CNOT1: variants seen among roughly 807,000 people sequenced by gnomAD.
CNOT1 encodes the protein CCR4-NOT transcription complex subunit 1, also known as CCR4-associated factor 1.
Under a neutral mutation model 273.8 loss-of-function variants are expected in CNOT1, and 15 were observed. That is an observed-to-expected ratio of 0.05 (90% CI 0.04 to 0.08). CNOT1 has a LOEUF of 0.08. Among genes scored for constraint, CNOT1 ranks in the 10% least tolerant of loss-of-function variants. CNOT1 has a pLI of 1.00. For synonymous variants in CNOT1, 1,022 were observed against 1,005.5 expected, an observed-to-expected ratio of 1.02 and a Z score of -0.31; for missense variants, 1,644 against 2,912.2, an observed-to-expected ratio of 0.56 and a Z score of 10.02.
chr16:58,589,055 G>T, intron 2 of CNOT1, 149 bp from the exon 3 acceptor site: 1 of 1,111,642 alleles, frequency 9.0e-7, no homozygotes, highest in Non-Finnish European at 1.2e-6. Flanking sequence ...AATTATTGAT[G>T]GAAGTGCCCA....
At position 58,520,203 on chromosome 16, in the gene CNOT1, AT is replaced by A. The variant is rs1207763321; in HGVS notation, c.*754del. The A allele has an allele frequency of 6.6e-6, 1 of 150,938 alleles. No individual in the cohort carries two copies. Among genetic ancestry groups the A allele is most frequent in the African/African-American group, 2.4e-5 (1 of 40,914 alleles). The allele number at this position is 150,938 out of a possible 1,614,324, so 9.3% of individuals were successfully genotyped here. A position where few individuals can be genotyped will look rare whatever the true frequency, so the allele number is the denominator to read the frequency against. On this transcript the variant is annotated 3_prime_UTR_variant, in exon 49 of 49. Coordinates refer to ENST00000317147, the MANE Select transcript of CNOT1 (RefSeq NM_016284.5). ...AATGAGATTTGGTTCCCTTTCCTAT[AT>A]TCCCACTGTTTTTAAGTTTCAGGAG...
Position 58,547,829 on chromosome 16 carries a change from TTC to T in CNOT1, c.3523-149_3523-148del, listed in dbSNP as rs2040309541. On this transcript the variant is annotated intron_variant, in intron 25 of 48. Transcript: ENST00000317147. The surrounding 1 kb of genome is among the most constrained non-coding windows in gnomAD (Gnocchi z 4.0). Reference sequence around the variant, plus strand: ...CAAAGTAGAATTACTCTGTATATCATTCTCAATATCATTTTGCTGTGTTTATG... The same window carrying T: ...CAAAGTAGAATTACTCTGTATATCATTCAATATCATTTTGCTGTGTTTATG... 4.4e-6 allele frequency: 3 copies of T among 680,082 alleles called. No homozygotes were observed. In the East Asian group the frequency reaches 8.4e-5, roughly 19 times the overall value. The allele number at this position is 680,082 out of a possible 1,614,324, so 42.1% of individuals were successfully genotyped here.
chr16:58,520,629 A>AAGGTACC lies in CNOT1; in HGVS notation c.*322_*328dup. ...ATGGCATCAGCTGCCTCTTCATTAC[A>AAGGTACC]AGGTACCAGTTTATGTACTTGCCTT... is the stretch of plus-strand genomic sequence containing the variant. On this transcript the variant is annotated 3_prime_UTR_variant, in exon 49 of 49. Transcript: ENST00000317147. 1 of 294,872 alleles carries AAGGTACC rather than the reference A, an allele frequency of 3.4e-6. No individual in the cohort carries two copies. Among genetic ancestry groups the AAGGTACC allele is most frequent in the Non-Finnish European group, 6.5e-6 (1 of 153,972 alleles). The allele number at this position is 294,872 out of a possible 1,614,324, so 18.3% of individuals were successfully genotyped here. A position where few individuals can be genotyped will look rare whatever the true frequency, so the allele number is the denominator to read the frequency against.
chr16:58,537,814 G>C, intron 38 of CNOT1, 77 bp downstream of exon 38: 2 of 1,565,262 alleles, frequency 1.3e-6, no homozygotes, highest in Non-Finnish European at 1.7e-6. Context: ...AGTAATGTTA[G>C]TAAGTCTGCA....
rs372989007 is a variant in CNOT1, at chr16:58,540,573, A to G, written c.4801-614T>C. On this transcript the variant is annotated intron_variant, in intron 34 of 48. Transcript: ENST00000317147. ...AACTGAGGGAGACTTTAAAAATATG[A>G]CAACTGAAGAAATGTGTGATTCTAA... Among the ~76,000 whole-genome samples the G allele has an allele frequency of 5.3e-5, 8 of 152,244 alleles. No individual in the cohort carries two copies. The East Asian group carries it at 1.2e-3, about 22-fold the overall frequency.
chr16:58,583,035 A>C, intron 9 of CNOT1, 21 bp downstream of exon 9: 1 of 1,613,598 alleles, frequency 6.2e-7, no homozygotes. Context: ...TCACTTGGTA[A>C]AATAGCTGAA....
chr16:58,595,291 T>A (rs1481308577), intron 2 of CNOT1, among the ~76,000 whole-genome samples: 2 of 151,928 alleles, frequency 1.3e-5, no homozygotes, highest in Non-Finnish European at 2.9e-5. Flanking sequence ...TTTCATTCAA[T>A]AATCTACCAT....
intron 46 of CNOT1, among the ~76,000 whole-genome samples, chr16:58,524,249 C>A (rs368236646): frequency 4.5e-3 from 366 of 82,142 alleles, no homozygotes; most frequent in Middle Eastern, 0.014. Flanking sequence ...GACTCTATCG[C>A]AAAAAAAAAA....
rs2040095892 is a variant in CNOT1 at position 58,541,522 on chromosome 16, T to C, written c.4779A>G (p.Gly1593=). ...TTACCTTCATGGGCTGGGCTAAAAATCCCGTGGGCTGACTTAAGTCATTTG... is the reference window on the plus strand; with the variant it reads ...TTACCTTCATGGGCTGGGCTAAAAACCCCGTGGGCTGACTTAAGTCATTTG... ...LPTNDLSQPT[G]FLAQPMKQAW... is the part of the protein sequence containing the mutation. Residue 1593 remains glycine, a synonymous_variant, in exon 34 of 49, where the codon GGA becomes GGG. Transcript: ENST00000317147. 6.2e-7 allele frequency: 1 copy of C among 1,613,652 alleles called. No homozygotes were observed. Among genetic ancestry groups the C allele is most frequent in the African/African-American group, 1.3e-5 (1 of 74,918 alleles).
intron 12 of CNOT1, 137 bp from the exon 13 acceptor site, chr16:58,579,076 A>G: frequency 7.0e-7 from 1 of 1,433,328 alleles, no homozygotes; most frequent in East Asian, 2.5e-5. Flanking sequence ...TGAAGTCCAC[A>G]GCACTCTCTT....
At chr16:58,609,378 A>AC (rs1424135167) in intron 1 of CNOT1, among the ~76,000 whole-genome samples, 1 of 151,786 alleles carries the variant, frequency 6.6e-6, no homozygotes. Context: ...TCTCAAAAAA[A>AC]AACACAACAA....
At chr16:58,526,798 C>T (rs953235769) in intron 44 of CNOT1, among the ~76,000 whole-genome samples, 3 of 96,488 alleles carry the variant, frequency 3.1e-5, no homozygotes, top group South Asian at 3.4e-4. Context: ...GCCTGGGCAA[C>T]AAGAACGAAA....
At chr16:58,563,460 T>A (rs1219395811) in intron 16 of CNOT1, among the ~76,000 whole-genome samples, 1 of 152,178 alleles carries the variant, frequency 6.6e-6, no homozygotes, top group East Asian at 1.9e-4. Flanking sequence ...GCATTCCTAT[T>A]GTTATGCAAT....
chr16:58,524,622 G>C, intron 46 of CNOT1, among the ~76,000 whole-genome samples: 1 of 152,024 alleles, frequency 6.6e-6, no homozygotes, highest in East Asian at 1.9e-4. Context: ...TAAAATATAT[G>C]TATGCAAAAC....
chr16:58,582,862 T>C lies in CNOT1; in HGVS notation c.975A>G (p.Lys325=), dbSNP rs748293656. 2 of 1,607,942 alleles carry C rather than the reference T, an allele frequency of 1.2e-6. No homozygotes were observed. The highest frequency in any genetic ancestry group is 1.1e-5 in the South Asian group (1 of 90,952). Residue 325 remains lysine, a synonymous_variant, in exon 10 of 49, where the codon AAA becomes AAG. Transcript: ENST00000317147. ...GTGCCTGTGCTCCATCACTTTTATC[T>C]TTCCCATCACTCCAGATCCCACTGC... ...APGSGIWSDG[K]DKSDGAQAHT...
In CNOT1 at chr16:58,589,407, C is replaced by T. The variant is rs1181311592; in HGVS notation, c.103-501G>A. 5.9e-5 allele frequency among the ~76,000 whole-genome samples: 9 copies of T among 151,962 alleles called. No individual in the cohort carries two copies. In the South Asian group the frequency reaches 8.3e-4, roughly 14 times the overall value. Reference sequence around the variant, plus strand: ...GGGTGCCTGTAACCCCAGCTACTCGCGAGGCTGAGGCAGGAAATCACTTGA... The same window carrying T: ...GGGTGCCTGTAACCCCAGCTACTCGTGAGGCTGAGGCAGGAAATCACTTGA... On this transcript the variant is annotated intron_variant, in intron 2 of 48. Coordinates refer to ENST00000317147, the MANE Select transcript of CNOT1 (RefSeq NM_016284.5).
chr16:58,620,865 A>G (rs1332453540), intron 1 of CNOT1, among the ~76,000 whole-genome samples: 2 of 152,110 alleles, frequency 1.3e-5, no homozygotes, highest in East Asian at 3.8e-4. Flanking sequence ...AATATAAAAA[A>G]TTAACTGCAG....
intron 1 of CNOT1, among the ~76,000 whole-genome samples, chr16:58,613,066 C>G (rs1461207103): frequency 6.6e-6 from 1 of 152,078 alleles, no homozygotes; most frequent in Non-Finnish European, 1.5e-5. Flanking sequence ...CAGACTCGCT[C>G]TGTCACCTAG....
intron 1 of CNOT1, among the ~76,000 whole-genome samples, chr16:58,620,771 T>C (rs888016266): frequency 6.0e-5 from 9 of 151,162 alleles, no homozygotes; most frequent in South Asian, 2.1e-4. Context: ...TCAACACTTA[T>C]AATTCCAGAT....
Sources: gnomAD v4.1 joint callset for allele counts (sites outside exome capture counted in the v4.1 genomes callset) on GRCh38, gnomAD v4.1.1 for gene constraint, Gnocchi (gnomAD v3.1) non-coding constraint, MANE v1.5 for transcripts, NCBI Gene and HGNC (gene_info 2026-07-23, HGNC 2026-07-21) for gene names.